PNRC1: variants seen among roughly 807,000 people sequenced by gnomAD.
PNRC1 encodes the protein proline-rich nuclear receptor coactivator 1.
In PNRC1, 6 loss-of-function variants were observed where a neutral mutation model predicts 20.2. The ratio of observed to expected loss-of-function variants is 0.30; its 90% confidence interval spans 0.16 to 0.59. The LOEUF (loss-of-function observed/expected upper bound fraction) is 0.59. Ranked by LOEUF, PNRC1 falls within the 20% of genes least tolerant of loss-of-function variation. The probability of loss-of-function intolerance (pLI) is 0.89; values close to 1 mark genes in which losing one functional copy is unlikely to be tolerated. For missense variants in PNRC1, 488 were observed against 430.2 expected, an observed-to-expected ratio of 1.13 and a Z score of -1.19; for synonymous variants, 202 against 186.9, an observed-to-expected ratio of 1.08 and a Z score of -0.66.
At position 89,084,214 on chromosome 6, in the gene PNRC1, G is replaced by A. The variant is rs1262426369; in HGVS notation, c.*18G>A. 2.6e-6 allele frequency: 4 copies of A among 1,533,594 alleles called. No individual in the cohort carries two copies. The highest frequency in any genetic ancestry group is 2.3e-5 in the East Asian group (1 of 44,240). The allele number at this position is 1,533,594 out of a possible 1,614,324, so 95.0% of individuals were successfully genotyped here. ...AAACTTAGATTTCAGATTTCAGTATGTGTGTAAAACATAATTTTTCCCATA... is the reference window on the plus strand; with the variant it reads ...AAACTTAGATTTCAGATTTCAGTATATGTGTAAAACATAATTTTTCCCATA... On this transcript the variant is annotated 3_prime_UTR_variant, in exon 2 of 2. Transcript: ENST00000336032.
At position 89,081,322 on chromosome 6, in the gene PNRC1, C is replaced by G; in HGVS notation, c.428C>G (p.Pro143Arg). The change falls in exon 1 of 2, where the codon CCG becomes CGG. Residue 143 changes from proline (P) to arginine (R), a missense_variant. Physicochemically the swap from Pro to Arg is moderately radical, Grantham distance 103. Coordinates refer to ENST00000336032, the MANE Select transcript of PNRC1 (RefSeq NM_006813.3). ...GPSGAQEVPG[P>R]AAALAPSPAA... ...AGCGGAGCGCAGGAGGTCCCGGGCCCGGCCGCCGCCTTGGCCCCGAGTCCT... is the reference window on the plus strand; with the variant it reads ...AGCGGAGCGCAGGAGGTCCCGGGCCGGGCCGCCGCCTTGGCCCCGAGTCCT... 2.0e-6 allele frequency: 3 copies of G among 1,464,188 alleles called. No homozygotes were observed. Among genetic ancestry groups the G allele is most frequent in the Non-Finnish European group, 2.7e-6 (3 of 1,119,190 alleles). 90.7% of individuals were successfully genotyped at this position (1,464,188 alleles called of 1,614,324 possible).
At chr6:89,082,145 C>T (rs770396630) in intron 1 of PNRC1, 1 of 152,274 alleles carries the variant, frequency 6.6e-6, no homozygotes, top group Non-Finnish European at 1.5e-5. Flanking sequence ...CACTGTGGTA[C>T]TTCGTGTTAG....
intron 1 of PNRC1, among the ~76,000 whole-genome samples, chr6:89,082,915 C>T (rs1230684207): frequency 6.6e-6 from 1 of 152,108 alleles, no homozygotes; most frequent in Non-Finnish European, 1.5e-5. Context: ...GTTCACGTTG[C>T]ATACTGGTAA....
chr6:89,081,541 T>TG (rs1188783130), intron 1 of PNRC1, 107 bp downstream of exon 1: 110 of 25,686 alleles, frequency 4.3e-3, no homozygotes, highest in East Asian at 0.012. Context: ...GGGGGCGGGG[T>TG]GGGGGGGGCG....
At position 89,084,954 on chromosome 6, in the gene PNRC1, T is replaced by C. The variant is rs1768085763; in HGVS notation, c.*758T>C. 6.6e-6 allele frequency: 1 copy of C among 152,244 alleles called. No individual in the cohort carries two copies. Among genetic ancestry groups the C allele is most frequent in the Non-Finnish European group, 1.5e-5 (1 of 68,074 alleles). 9.4% of individuals were successfully genotyped at this position (152,244 alleles called of 1,614,324 possible). ...TTTACTGGCTGAGTGTGAGCCGCCA[T>C]GCCTGGCCATAATCTACATTTTCTT... is the stretch of plus-strand genomic sequence containing the variant. On this transcript the variant is annotated 3_prime_UTR_variant, in exon 2 of 2. Transcript: ENST00000336032.
Position 89,080,798 on chromosome 6 carries a change from C to G in PNRC1, c.-97C>G, listed in dbSNP as rs964364541. 1 of 1,176,808 alleles carries G rather than the reference C, an allele frequency of 8.5e-7. No homozygotes were observed. Among genetic ancestry groups the G allele is most frequent in the Non-Finnish European group, 1.2e-6 (1 of 809,806 alleles). 72.9% of individuals were successfully genotyped at this position (1,176,808 alleles called of 1,614,324 possible). A position where few individuals can be genotyped will look rare whatever the true frequency, so the allele number is the denominator to read the frequency against. On this transcript the variant is annotated 5_prime_UTR_variant, in exon 1 of 2. Coordinates refer to ENST00000336032, the MANE Select transcript of PNRC1 (RefSeq NM_006813.3). ...AGTCATGTTCCGCGATCTTCTCAGG[C>G]TCTCCTAGCAGCATCCATCGCCGCC...
Position 89,083,947 on chromosome 6 carries a change from T to A in PNRC1, c.735T>A (p.Ile245=). ...FWQDSVSSDR[I]QKQEKKPFKN... is the part of the protein sequence containing the mutation. ...AGGATTCTGTTTCATCTGACAGAAT[T>A]CAGAAGCAGGAAAAAAAGCCTTTTA... is the stretch of plus-strand genomic sequence containing the variant. The change falls in exon 2 of 2, where the codon ATT becomes ATA. Residue 245 remains isoleucine, a synonymous_variant. Coordinates refer to ENST00000336032, the MANE Select transcript of PNRC1 (RefSeq NM_006813.3). The A allele has an allele frequency of 1.2e-6, 2 of 1,614,016 alleles. No homozygotes were observed. The highest frequency in any genetic ancestry group is 1.1e-5 in the South Asian group (1 of 91,064).
At chr6:89,081,916 C>G (rs1365313198) in intron 1 of PNRC1, 1 of 152,334 alleles carries the variant, frequency 6.6e-6, no homozygotes, top group Non-Finnish European at 1.5e-5. Context: ...CAGTCCTAGT[C>G]GGTGAAACGC....
At chr6:89,083,731 T>C in intron 1 of PNRC1, 22 bp from the exon 2 acceptor site, 1 of 1,530,172 alleles carries the variant, frequency 6.5e-7, no homozygotes, top group Non-Finnish European at 8.8e-7. Flanking sequence ...CTATATTTAC[T>C]TTTGTGTTCT....
At chr6:89,082,719 A>G (rs1194876332) in intron 1 of PNRC1, 1 of 152,200 alleles carries the variant, frequency 6.6e-6, no homozygotes, top group East Asian at 1.9e-4. Context: ...GGCCCACTTA[A>G]GTTGGGAAAG....
Position 89,084,160 on chromosome 6 carries a change from A to G in PNRC1, c.948A>G (p.Ala316=). ...ENSNQNRELM[A]VHLKTLLKVQ... is the part of the protein sequence containing the mutation. ...CCAACCAAAACAGGGAGCTGATGGC[A>G]GTACACTTAAAAACGCTCCTCAAAG... Residue 316 remains alanine (A), a synonymous_variant, in exon 2 of 2, where the codon GCA becomes GCG. Coordinates refer to ENST00000336032, the MANE Select transcript of PNRC1 (RefSeq NM_006813.3). 6.3e-7 allele frequency: 1 copy of G among 1,597,190 alleles called. No individual in the cohort carries two copies. Among genetic ancestry groups the G allele is most frequent in the Non-Finnish European group, 8.5e-7 (1 of 1,175,144 alleles).
At chr6:89,081,779 C>G in intron 1 of PNRC1, 1 of 167,588 alleles carries the variant, frequency 6.0e-6, no homozygotes, top group African/African-American at 2.4e-5. Flanking sequence ...ACAGGGCCCG[C>G]GGGAGGGCTG....
rs1562170827 is a variant in PNRC1, at chr6:89,081,175, CGAA to C, written c.286_288del (p.Lys96del). 4 of 1,590,114 alleles carry C rather than the reference CGAA, an allele frequency of 2.5e-6. No individual in the cohort carries two copies. Among genetic ancestry groups the C allele is most frequent in the Non-Finnish European group, 3.4e-6 (4 of 1,174,364 alleles). The stretch of plus-strand genomic sequence containing the variant: ...GCGGGAGGCACTCCTCGGGCAGCGC[CGAA>C]GAAGCGGCGAAAGAAGAAGGTGCGG... On this transcript the variant is annotated inframe_deletion, in exon 1 of 2. Coordinates refer to ENST00000336032, the MANE Select transcript of PNRC1 (RefSeq NM_006813.3).
chr6:89,084,472 A>G lies in PNRC1; in HGVS notation c.*276A>G, dbSNP rs1322151378. 2 of 249,690 alleles carry G rather than the reference A, an allele frequency of 8.0e-6. No individual in the cohort carries two copies. Among genetic ancestry groups the G allele is most frequent in the Non-Finnish European group, 1.6e-5 (2 of 127,464 alleles). The allele number at this position is 249,690 out of a possible 1,614,324, so 15.5% of individuals were successfully genotyped here. A position where few individuals can be genotyped will look rare whatever the true frequency, so the allele number is the denominator to read the frequency against. On this transcript the variant is annotated 3_prime_UTR_variant, in exon 2 of 2. Coordinates refer to ENST00000336032, the MANE Select transcript of PNRC1 (RefSeq NM_006813.3). The stretch of plus-strand genomic sequence containing the variant: ...TGCCCACATTGCAGGTGTTTTGTAT[A>G]TATACAATGGATAAATTTTAAGTGT...
At chr6:89,082,118 GATTTT>G (rs904941325) in intron 1 of PNRC1, 25 of 152,414 alleles carry the variant, frequency 1.6e-4, no homozygotes, top group African/African-American at 5.5e-4. Flanking sequence ...GCACAAAACT[GATTTT>G]ATTACTTTTG....
At chr6:89,081,552 G>T in intron 1 of PNRC1, 118 bp downstream of exon 1, 1 of 381,270 alleles carries the variant, frequency 2.6e-6, no homozygotes, top group Non-Finnish European at 4.5e-6. Flanking sequence ...GGGGGGGGCG[G>T]CTGTTTACTC....
chr6:89,081,803 C>T (rs1415855425), intron 1 of PNRC1: 1 of 160,210 alleles, frequency 6.2e-6, no homozygotes, highest in Non-Finnish European at 1.4e-5. Flanking sequence ...TCAGCGCGCG[C>T]TACGTGCCCG....
At position 89,080,766 on chromosome 6, in the gene PNRC1, C is replaced by G. The variant is rs1767958890; in HGVS notation, c.-129C>G. ...GTGGCTATTTGTTGCTGCGCCGCCACCGCCCGAGTCATGTTCCGCGATCTT... is the reference window on the plus strand; with the variant it reads ...GTGGCTATTTGTTGCTGCGCCGCCAGCGCCCGAGTCATGTTCCGCGATCTT... On this transcript the variant is annotated 5_prime_UTR_variant, in exon 1 of 2. Transcript: ENST00000336032. The G allele has an allele frequency of 2.3e-6, 2 of 877,818 alleles. No homozygotes were observed. The highest frequency in any genetic ancestry group is 4.8e-5 in the Admixed American group (2 of 41,712). 54.4% of individuals were successfully genotyped at this position (877,818 alleles called of 1,614,324 possible).
Position 89,080,774 on chromosome 6 carries a change from G to C in PNRC1, c.-121G>C. Reference sequence around the variant, plus strand: ...TTGTTGCTGCGCCGCCACCGCCCGAGTCATGTTCCGCGATCTTCTCAGGCT... The same window carrying C: ...TTGTTGCTGCGCCGCCACCGCCCGACTCATGTTCCGCGATCTTCTCAGGCT... On this transcript the variant is annotated 5_prime_UTR_variant, in exon 1 of 2. Coordinates refer to ENST00000336032, the MANE Select transcript of PNRC1 (RefSeq NM_006813.3). The C allele has an allele frequency of 6.4e-6, 6 of 942,220 alleles. No homozygotes were observed. The highest frequency in any genetic ancestry group is 9.8e-6 in the Non-Finnish European group (6 of 610,052). The allele number at this position is 942,220 out of a possible 1,614,324, so 58.4% of individuals were successfully genotyped here.
Sources: allele counts gnomAD v4.1 joint callset (sites outside exome capture counted in the v4.1 genomes callset), GRCh38; gene constraint gnomAD v4.1.1; transcripts MANE v1.5; gene names NCBI Gene and HGNC (gene_info 2026-07-23, HGNC 2026-07-21).